The following ATXN10 variants were observed in gnomAD, a reference collection of about 807,000 sequenced individuals.
ATXN10 encodes the protein ataxin-10.
In ATXN10, 28 loss-of-function variants were observed where a neutral mutation model predicts 52.9. That is an observed-to-expected ratio of 0.53 (90% CI 0.39 to 0.73). The LOEUF (loss-of-function observed/expected upper bound fraction) is 0.73, where lower values mean the gene tolerates loss of function less well. ATXN10 is among the 30% of genes least tolerant of loss of function. The probability of loss-of-function intolerance (pLI) is 0.00; values close to 1 mark genes in which losing one functional copy is unlikely to be tolerated. For missense variants in ATXN10, 565 were observed against 577.0 expected (o/e 0.98, Z 0.21); for synonymous variants, 226 against 221.5 (o/e 1.02, Z -0.18).
intron 4 of ATXN10, among the ~76,000 whole-genome samples, chr22:45,702,406 T>C (rs1490020775): frequency 6.6e-6 from 1 of 152,234 alleles, no homozygotes; most frequent in Admixed American, 6.5e-5. Flanking sequence ...TTTAATGTTT[T>C]ATAAATGTAA....
At position 45,805,073 on chromosome 22, in the gene ATXN10, C is replaced by T. The variant is rs191502274; in HGVS notation, c.1174-1886C>T. The stretch of plus-strand genomic sequence containing the variant: ...GTAGTTTATGTAAGCAACCCCCATT[C>T]GTGGAGACTTGAGTTGTTTCATAAT... On this transcript the variant is annotated intron_variant, in intron 9 of 11. Transcript: ENST00000252934. This position sits in a 1 kb window ranked among gnomAD's most constrained non-coding sequence, Gnocchi z 4.4. 1.3e-5 allele frequency among the ~76,000 whole-genome samples: 2 copies of T among 152,290 alleles called. No homozygotes were observed. The highest frequency in any genetic ancestry group is 3.9e-4 in the East Asian group (2 of 5,188).
chr22:45,690,051 T>G lies in ATXN10; in HGVS notation c.308+148T>G. 2 of 795,526 alleles carry G rather than the reference T, an allele frequency of 2.5e-6. No homozygotes were observed. The highest frequency in any genetic ancestry group is 4.2e-6 in the Non-Finnish European group (2 of 477,768). The allele number at this position is 795,526 out of a possible 1,614,324, so 49.3% of individuals were successfully genotyped here. A position where few individuals can be genotyped will look rare whatever the true frequency, so the allele number is the denominator to read the frequency against. On this transcript the variant is annotated intron_variant, in intron 2 of 11. Coordinates refer to ENST00000252934, the MANE Select transcript of ATXN10 (RefSeq NM_013236.4). This position sits in a 1 kb window ranked among gnomAD's most constrained non-coding sequence, Gnocchi z 4.5. ...ATTTTGGGAGGCTGAGGCAGGAGGA[T>G]TGCTTGAGTCCAGGAGTTCAAGACC...
chr22:45,740,261 T>A, intron 8 of ATXN10, 108 bp from the exon 9 acceptor site: 1 of 1,065,618 alleles, frequency 9.4e-7, no homozygotes, highest in Non-Finnish European at 1.4e-6. Flanking sequence ...TTCTGTGCTC[T>A]ACCTTTAGCC....
At chr22:45,788,079 G>A (rs766760860) in intron 9 of ATXN10, among the ~76,000 whole-genome samples, 5 of 152,086 alleles carry the variant, frequency 3.3e-5, no homozygotes, top group African/African-American at 4.8e-5. Context: ...CCATCTACCC[G>A]CTTTAGGAGA....
Position 45,681,689 on chromosome 22 carries a change from T to G in ATXN10, c.117-8023T>G, listed in dbSNP as rs58462419. Among the ~76,000 whole-genome samples the G allele has an allele frequency of 5.5e-3, 844 of 152,352 alleles. 11 individuals are homozygous for G. The highest frequency in any genetic ancestry group is 0.019 in the African/African-American group (805 of 41,576). ...AAGGCTAGAGAAAAACATACAGCCG[T>G]GCAGACTGCTCTCACTTTAACTTGC... is the stretch of plus-strand genomic sequence containing the variant. On this transcript the variant is annotated intron_variant, in intron 1 of 11. Coordinates refer to ENST00000252934, the MANE Select transcript of ATXN10 (RefSeq NM_013236.4). The surrounding 1 kb of genome is among the most constrained non-coding windows in gnomAD (Gnocchi z 4.2).
chr22:45,743,610 C>A (rs1223472605), intron 9 of ATXN10, among the ~76,000 whole-genome samples: 1 of 152,192 alleles, frequency 6.6e-6, no homozygotes, highest in Non-Finnish European at 1.5e-5. Flanking sequence ...TTGGCTCTGT[C>A]TCTGCTCCAA....
intron 9 of ATXN10, among the ~76,000 whole-genome samples, chr22:45,752,726 C>A (rs1423946501): frequency 6.6e-6 from 1 of 151,600 alleles, no homozygotes; most frequent in Non-Finnish European, 1.5e-5. Context: ...TTTTGTGGTT[C>A]TTTTTCAGAT....
At position 45,762,822 on chromosome 22, in the gene ATXN10, A is replaced by C. The variant is rs1601630957; in HGVS notation, c.1173+22284A>C. On this transcript the variant is annotated intron_variant, in intron 9 of 11. Coordinates refer to ENST00000252934, the MANE Select transcript of ATXN10 (RefSeq NM_013236.4). The surrounding 1 kb of genome is among the most constrained non-coding windows in gnomAD (Gnocchi z 4.3). ...GCCTTCCCCCTGTGTTTTGGCTCCA[A>C]ATTCCAAGTGAGAGTAATTGCGTGG... 6.6e-6 allele frequency among the ~76,000 whole-genome samples: 1 copy of C among 152,092 alleles called. No homozygotes were observed. The highest frequency in any genetic ancestry group is 2.4e-5 in the African/African-American group (1 of 41,424).
At chr22:45,680,065 C>T (rs552543472) in intron 1 of ATXN10, 7 of 152,294 alleles carry the variant, frequency 4.6e-5, no homozygotes, top group African/African-American at 1.4e-4. Context: ...GGCAATGACA[C>T]TCAAAAGCAA....
chr22:45,672,538 GC>G (rs987983134), intron 1 of ATXN10: 2 of 155,380 alleles, frequency 1.3e-5, no homozygotes, highest in African/African-American at 2.4e-5. Context: ...GACCCACGCG[GC>G]CCCCAGAGTC....
At chr22:45,809,909 G>T (rs1928225869) in intron 10 of ATXN10, among the ~76,000 whole-genome samples, 1 of 152,064 alleles carries the variant, frequency 6.6e-6, no homozygotes, top group African/African-American at 2.4e-5. Flanking sequence ...TTGAATAACA[G>T]AAATTCTTTA....
chr22:45,798,741 A>C (rs1927832892), intron 9 of ATXN10, among the ~76,000 whole-genome samples: 1 of 152,224 alleles, frequency 6.6e-6, no homozygotes, highest in African/African-American at 2.4e-5. Context: ...TTATTCATAA[A>C]TGAGGTGATC....
At chr22:45,717,135 C>T (rs1179183733) in intron 5 of ATXN10, among the ~76,000 whole-genome samples, 2 of 152,058 alleles carry the variant, frequency 1.3e-5, no homozygotes, top group African/African-American at 4.8e-5. Context: ...TGGCGAAATA[C>T]CTCCTCTAGC....
intron 9 of ATXN10, among the ~76,000 whole-genome samples, chr22:45,745,201 A>G (rs2146808484): frequency 6.6e-6 from 1 of 152,324 alleles, no homozygotes; most frequent in East Asian, 1.9e-4. Context: ...TGTATGGTTT[A>G]CCTTTTTCTT....
chr22:45,691,824 C>T (rs1923391110), intron 2 of ATXN10, among the ~76,000 whole-genome samples: 1 of 152,108 alleles, frequency 6.6e-6, no homozygotes, highest in Admixed American at 6.5e-5. Flanking sequence ...ACGGGGAAAG[C>T]GGAGGTTGCA....
chr22:45,777,791 A>G (rs527349314), intron 9 of ATXN10, among the ~76,000 whole-genome samples: 5 of 152,352 alleles, frequency 3.3e-5, no homozygotes, highest in African/African-American at 1.2e-4. Context: ...CATGGTTCTG[A>G]TTTCAAGATG....
At chr22:45,793,637 C>A in intron 9 of ATXN10, 1 of 1,385,622 alleles carries the variant, frequency 7.2e-7, no homozygotes, top group Non-Finnish European at 9.4e-7. Flanking sequence ...GTCTGTTCCA[C>A]CAGCCTTTGC....
At chr22:45,676,487 T>G (rs1335159327) in intron 1 of ATXN10, 2 of 148,106 alleles carry the variant, frequency 1.4e-5, no homozygotes, top group African/African-American at 5.1e-5. Context: ...TTTAATTTGT[T>G]TTTTTTTTTT....
At chr22:45,752,742 T>A (rs1346208014) in intron 9 of ATXN10, among the ~76,000 whole-genome samples, 1 of 151,390 alleles carries the variant, frequency 6.6e-6, no homozygotes. Context: ...CAGATCCACT[T>A]CTTTTTTTTT....
Sources: allele counts gnomAD v4.1 joint callset (sites outside exome capture counted in the v4.1 genomes callset), GRCh38; gene constraint gnomAD v4.1.1; non-coding constraint Gnocchi (gnomAD v3.1); transcripts MANE v1.5; gene names NCBI Gene and HGNC (gene_info 2026-07-23, HGNC 2026-07-21).